SPMAP2L: variants seen among roughly 807,000 people sequenced by gnomAD.
SPMAP2L encodes sperm microtubule associated protein 2-like.
chr4:56,600,934 G>T, the SPMAP2L span: 9 of 1,533,718 alleles, frequency 5.9e-6, no homozygotes, highest in African/African-American at 1.1e-4. Flanking sequence ...TCCACTATAG[G>T]TACCTCCTGC....
chr4:56,596,378 C>T, the SPMAP2L span: 1 of 1,012,062 alleles, frequency 9.9e-7, no homozygotes, highest in Non-Finnish European at 1.3e-6. Context: ...TGCAAGATTC[C>T]CACCCTTTCT....
chr4:56,571,472 C>G, the SPMAP2L span, among the ~76,000 whole-genome samples: 1 of 151,920 alleles, frequency 6.6e-6, no homozygotes, highest in East Asian at 1.9e-4. Flanking sequence ...GCCACCACAC[C>G]TGGTTAATTG....
At chr4:56,587,588 GTTACT>G in the SPMAP2L span, among the ~76,000 whole-genome samples, 3 of 151,778 alleles carry the variant, frequency 2.0e-5, no homozygotes, top group Non-Finnish European at 4.4e-5. Context: ...TCATTCTTGA[GTTACT>G]TTACTTAGAA....
At chr4:56,588,673 C>T in the SPMAP2L span, among the ~76,000 whole-genome samples, 6 of 152,134 alleles carry the variant, frequency 3.9e-5, no homozygotes, top group South Asian at 2.1e-4. Flanking sequence ...TCAGGTGATC[C>T]GCCTACCTCA....
At chr4:56,555,550 G>C in the SPMAP2L span, among the ~76,000 whole-genome samples, 1 of 152,046 alleles carries the variant, frequency 6.6e-6, no homozygotes, top group South Asian at 2.1e-4. Flanking sequence ...ACCAAGCCAG[G>C]AATAATTGAT....
the SPMAP2L span, among the ~76,000 whole-genome samples, chr4:56,617,737 A>G: frequency 6.6e-6 from 1 of 152,180 alleles, no homozygotes; most frequent in East Asian, 1.9e-4. Flanking sequence ...TTTGTATCCC[A>G]GGGTTCTTGC....
At chr4:56,617,281 A>G in the SPMAP2L span, among the ~76,000 whole-genome samples, 1 of 152,214 alleles carries the variant, frequency 6.6e-6, no homozygotes, top group Non-Finnish European at 1.5e-5. Context: ...AACATAGAAA[A>G]GGCACTGTAG....
chr4:56,596,309 C>G, the SPMAP2L span, among the ~76,000 whole-genome samples: 1 of 152,100 alleles, frequency 6.6e-6, no homozygotes, highest in South Asian at 2.1e-4. Context: ...CATCGGAATC[C>G]ATGTAATCTT....
At chr4:56,619,431 T>C in the SPMAP2L span, among the ~76,000 whole-genome samples, 3 of 152,202 alleles carry the variant, frequency 2.0e-5, no homozygotes, top group Non-Finnish European at 2.9e-5. Flanking sequence ...ACCATTCCAC[T>C]CTTTGATTCT....
At chr4:56,551,758 C>T in the SPMAP2L span, among the ~76,000 whole-genome samples, 2 of 152,294 alleles carry the variant, frequency 1.3e-5, no homozygotes, top group African/African-American at 2.4e-5. Flanking sequence ...AAACAAGACA[C>T]AGAACTCTCA....
the SPMAP2L span, chr4:56,548,697 A>T: frequency 1.2e-6 from 1 of 829,698 alleles, no homozygotes; most frequent in Admixed American, 3.8e-5. Flanking sequence ...ATTTTTTTCT[A>T]ACTCCTTTCT....
the SPMAP2L span, chr4:56,584,669 C>T: frequency 8.7e-7 from 1 of 1,150,592 alleles, no homozygotes; most frequent in Non-Finnish European, 1.2e-6. Context: ...TGCTGCCTAC[C>T]CTCTTTTTCT....
At chr4:56,594,730 C>A in the SPMAP2L span, 43 of 1,461,016 alleles carry the variant, frequency 2.9e-5, no homozygotes, top group Non-Finnish European at 3.7e-5. Flanking sequence ...ACAAGGAGAA[C>A]CTAGCAGCCA....
At chr4:56,547,358 G>C in the SPMAP2L span, among the ~76,000 whole-genome samples, 1 of 150,888 alleles carries the variant, frequency 6.6e-6, no homozygotes, top group African/African-American at 2.4e-5. Context: ...CAATTCTCCT[G>C]CCTCAGCCTC....
At chr4:56,618,162 C>T in the SPMAP2L span, among the ~76,000 whole-genome samples, 7 of 152,204 alleles carry the variant, frequency 4.6e-5, no homozygotes, top group African/African-American at 1.7e-4. Context: ...TCACACCCTC[C>T]TCTACCCAGC....
the SPMAP2L span, among the ~76,000 whole-genome samples, chr4:56,543,691 A>G: frequency 2.0e-5 from 3 of 151,972 alleles, no homozygotes; most frequent in African/African-American, 4.8e-5. Flanking sequence ...TTCTGTCTCA[A>G]ATAAATAAAT....
chr4:56,583,691 G>A, the SPMAP2L span, among the ~76,000 whole-genome samples: 1 of 152,124 alleles, frequency 6.6e-6, no homozygotes, highest in Non-Finnish European at 1.5e-5. Flanking sequence ...ATACTACAGA[G>A]GAGACTGGCC....
At chr4:56,550,032 T>C in the SPMAP2L span, among the ~76,000 whole-genome samples, 1 of 152,208 alleles carries the variant, frequency 6.6e-6, no homozygotes, top group Non-Finnish European at 1.5e-5. Context: ...ATACCAGATT[T>C]TATTTTCATC....
chr4:56,626,023 G>A, the SPMAP2L span, among the ~76,000 whole-genome samples: 3 of 152,120 alleles, frequency 2.0e-5, no homozygotes, highest in Admixed American at 6.5e-5. Context: ...CTTCCCAGCC[G>A]ATGCCAACCA....
Sources: allele counts gnomAD v4.1 joint callset (sites outside exome capture counted in the v4.1 genomes callset), GRCh38; gene constraint gnomAD v4.1.1; transcripts MANE v1.5; gene names NCBI Gene and HGNC (gene_info 2026-07-23, HGNC 2026-07-21).